Variants in PTPRG observed in about 807,000 individuals in gnomAD.
The protein encoded by PTPRG is receptor-type tyrosine-protein phosphatase gamma.
In PTPRG, 102 loss-of-function variants were observed where a neutral mutation model predicts 165.3. The observed-to-expected ratio is 0.62, with a 90% CI of 0.53 to 0.73. The LOEUF is 0.73. Ranked by LOEUF, PTPRG falls within the 30% of genes least tolerant of loss-of-function variation. The pLI is 0.00. For missense variants in PTPRG, 1,866 were observed against 1,861.4 expected (o/e 1.00, Z -0.05); for synonymous variants, 675 against 669.5 (o/e 1.01, Z -0.13).
Position 62,228,772 on chromosome 3 carries a change from T to TA in PTPRG, c.2289-2452dup, listed in dbSNP as rs1700826936. ...CAGTCCTGGTTGCTCAATGTCCTCT[T>TA]ATGCTGAGGGAGAGTGAGAATCAAA... On this transcript the variant is annotated intron_variant, in intron 13 of 29. Coordinates refer to ENST00000474889, the MANE Select transcript of PTPRG (RefSeq NM_002841.4). This position sits in a 1 kb window ranked among gnomAD's most constrained non-coding sequence, Gnocchi z 4.1. Among the ~76,000 whole-genome samples the TA allele has an allele frequency of 1.3e-5, 2 of 152,188 alleles. No homozygotes were observed. Among genetic ancestry groups the TA allele is most frequent in the African/African-American group, 4.8e-5 (2 of 41,440 alleles).
At chr3:62,274,971 C>T (rs1013424762) in intron 23 of PTPRG, among the ~76,000 whole-genome samples, 1 of 151,950 alleles carries the variant, frequency 6.6e-6, no homozygotes, top group African/African-American at 2.4e-5. Flanking sequence ...GGTTCTTTTA[C>T]AGGCACTAAC....
intron 2 of PTPRG, among the ~76,000 whole-genome samples, chr3:61,987,789 A>C (rs1445524334): frequency 1.3e-5 from 2 of 151,928 alleles, no homozygotes; most frequent in Non-Finnish European, 2.9e-5. Flanking sequence ...CATCTGGAAG[A>C]AAATTTAAGC....
chr3:61,986,214 A>G (rs1284714052), intron 2 of PTPRG, among the ~76,000 whole-genome samples: 2 of 150,740 alleles, frequency 1.3e-5, no homozygotes, highest in Non-Finnish European at 2.9e-5. Context: ...CAATTCATTC[A>G]TTTGTACCTA....
chr3:62,289,723 A>G (rs1478650143), intron 28 of PTPRG, among the ~76,000 whole-genome samples: 2 of 134,924 alleles, frequency 1.5e-5, no homozygotes, highest in Non-Finnish European at 3.2e-5. Context: ...AAAAACACTT[A>G]GAGTAAAAAT....
chr3:62,288,858 C>T (rs889783594), intron 28 of PTPRG, among the ~76,000 whole-genome samples: 2 of 151,992 alleles, frequency 1.3e-5, no homozygotes, highest in Non-Finnish European at 2.9e-5. Context: ...ATCATTATAA[C>T]TGAATGATGA....
chr3:61,837,720 A>G (rs2036511210), intron 2 of PTPRG, among the ~76,000 whole-genome samples: 2 of 152,226 alleles, frequency 1.3e-5, no homozygotes, highest in South Asian at 4.1e-4. Flanking sequence ...ATTATTGAAA[A>G]TAAGTGAAGA....
chr3:61,791,349 G>T (rs1255730160), intron 2 of PTPRG, among the ~76,000 whole-genome samples: 6 of 152,202 alleles, frequency 3.9e-5, no homozygotes, highest in Admixed American at 3.9e-4. Flanking sequence ...GTTTCTTGAG[G>T]CATGCTGTTC....
At chr3:61,738,578 C>T (rs895505350) in intron 1 of PTPRG, among the ~76,000 whole-genome samples, 1 of 150,862 alleles carries the variant, frequency 6.6e-6, no homozygotes, top group African/African-American at 2.4e-5. Flanking sequence ...TGGAGTCTCG[C>T]TCTGTTGCCC....
rs559308159 is a variant in PTPRG at position 62,072,114 on chromosome 3, A to G, written c.520-6049A>G. On this transcript the variant is annotated intron_variant, in intron 4 of 29. Transcript: ENST00000474889. ...GGGAGAAGTTGCACAAGGCAGGAGGAAAGGGAAGCTAGGTGGACATTTTGT... is the reference window on the plus strand; with the variant it reads ...GGGAGAAGTTGCACAAGGCAGGAGGGAAGGGAAGCTAGGTGGACATTTTGT... Among the ~76,000 whole-genome samples, 18 of 152,288 alleles carry G rather than the reference A, an allele frequency of 1.2e-4. No homozygotes were observed. In the South Asian group the frequency reaches 3.7e-3, roughly 32 times the overall value.
intron 4 of PTPRG, among the ~76,000 whole-genome samples, chr3:62,026,615 G>A (rs111330236): frequency 2.6e-5 from 4 of 152,148 alleles, no homozygotes; most frequent in Admixed American, 1.3e-4. Context: ...GGCCAGGCAC[G>A]GTGGCTCACG....
At chr3:62,132,448 TCTC>T (rs1325625597) in intron 5 of PTPRG, among the ~76,000 whole-genome samples, 151 bp from the exon 6 acceptor site, 12 of 152,312 alleles carry the variant, frequency 7.9e-5, no homozygotes, top group African/African-American at 2.9e-4. Flanking sequence ...ATGTCATAAA[TCTC>T]CTGCATTTGG....
chr3:61,564,876 A>T lies in PTPRG; in HGVS notation c.85+2504A>T, dbSNP rs188866910. On this transcript the variant is annotated intron_variant, in intron 1 of 29. Coordinates refer to ENST00000474889, the MANE Select transcript of PTPRG (RefSeq NM_002841.4). The stretch of plus-strand genomic sequence containing the variant: ...GCGAGGCGGCGGCCTCGGCCTGGCG[A>T]TGCTGCTCCTGGCTTTCTCGAAACC... 2.4e-3 allele frequency among the ~76,000 whole-genome samples: 361 copies of T among 152,260 alleles called. 1 individual carries two copies. Among genetic ancestry groups the T allele is most frequent in the African/African-American group, 8.4e-3 (349 of 41,562 alleles).
intron 2 of PTPRG, among the ~76,000 whole-genome samples, chr3:61,906,310 GC>G (rs1219812752): frequency 6.6e-6 from 1 of 151,688 alleles, no homozygotes; most frequent in Non-Finnish European, 1.5e-5. Context: ...AAAAAAATTA[GC>G]CGGGTGTGAT....
intron 1 of PTPRG, among the ~76,000 whole-genome samples, chr3:61,610,539 G>A (rs1424485355): frequency 6.6e-6 from 1 of 152,158 alleles, no homozygotes; most frequent in African/African-American, 2.4e-5. Context: ...AGATTATATC[G>A]TATGTTTGCC....
chr3:62,261,108 A>G (rs886896027), intron 16 of PTPRG: 1 of 146,896 alleles, frequency 6.8e-6, no homozygotes, highest in Non-Finnish European at 1.5e-5. Flanking sequence ...ATACAACAGG[A>G]AAAAAAAATC....
At chr3:62,186,640 C>T (rs1226327800) in intron 8 of PTPRG, among the ~76,000 whole-genome samples, 2 of 145,052 alleles carry the variant, frequency 1.4e-5, no homozygotes, top group African/African-American at 2.6e-5. Context: ...GATCAAAGCT[C>T]ACGGCAACCT....
At chr3:61,967,614 A>G (rs2040299876) in intron 2 of PTPRG, among the ~76,000 whole-genome samples, 1 of 152,216 alleles carries the variant, frequency 6.6e-6, no homozygotes, top group African/African-American at 2.4e-5. Context: ...TAATGGCATA[A>G]TAATTTATAA....
At position 61,701,530 on chromosome 3, in the gene PTPRG, T is replaced by C. The variant is rs142851818; in HGVS notation, c.86-47348T>C. Reference sequence around the variant, plus strand: ...AAAAACCCATATTTAGTGACTAATTTTTCTACAGTATAATAATGAAAAGAA... The same window carrying C: ...AAAAACCCATATTTAGTGACTAATTCTTCTACAGTATAATAATGAAAAGAA... On this transcript the variant is annotated intron_variant, in intron 1 of 29. Transcript: ENST00000474889. 3.6e-3 allele frequency among the ~76,000 whole-genome samples: 543 copies of C among 152,332 alleles called. 6 individuals carry two copies. Among genetic ancestry groups the C allele is most frequent in the African/African-American group, 0.012 (519 of 41,572 alleles).
At chr3:62,047,479 G>A (rs1700334219) in intron 4 of PTPRG, among the ~76,000 whole-genome samples, 1 of 151,946 alleles carries the variant, frequency 6.6e-6, no homozygotes, top group African/African-American at 2.4e-5. Context: ...CCAGGTTAGT[G>A]TCGATCTCCT....
Sources: allele counts gnomAD v4.1 joint callset (sites outside exome capture counted in the v4.1 genomes callset), GRCh38; gene constraint gnomAD v4.1.1; non-coding constraint Gnocchi (gnomAD v3.1); transcripts MANE v1.5; gene names NCBI Gene and HGNC (gene_info 2026-07-23, HGNC 2026-07-21).